NRG3: variants seen among roughly 807,000 people sequenced by gnomAD.
NRG3 encodes the protein neuregulin 3.
A neutral mutation model predicts 66.9 loss-of-function variants in NRG3; 31 were observed. The ratio of observed to expected loss-of-function variants is 0.46; its 90% CI spans 0.35 to 0.63. The LOEUF is 0.63. Among genes scored for constraint, NRG3 ranks in the 20% least tolerant of loss-of-function variants. The pLI, the probability that NRG3 is intolerant of heterozygous loss-of-function variation, is 0.00. For synonymous variants in NRG3, 393 were observed against 359.4 expected, an observed-to-expected ratio of 1.09 and a Z score of -1.06; for missense variants, 910 against 878.9, an observed-to-expected ratio of 1.04 and a Z score of -0.45.
chr10:81,913,550 A>G (rs1323890759), intron 1 of NRG3, among the ~76,000 whole-genome samples: 2 of 151,896 alleles, frequency 1.3e-5, no homozygotes, highest in African/African-American at 2.4e-5. Context: ...CAGCCTCCCA[A>G]GTAGCTGGGA....
rs186210887 is a variant in NRG3 at position 81,894,668 on chromosome 10, G to T, written c.823+18505G>T. On this transcript the variant is annotated intron_variant, in intron 1 of 8. Coordinates refer to ENST00000372141, the MANE Select transcript of NRG3 (RefSeq NM_001010848.4). ...TAAAACAGTCTAGAGGTCTTAAATT[G>T]TGCCTCTCTCTGAGTGTAGACAGTG... Among the ~76,000 whole-genome samples the T allele has an allele frequency of 4.6e-5, 7 of 152,284 alleles. 1 individual carries two copies. Among genetic ancestry groups the T allele is most frequent in the Admixed American group, 4.6e-4 (7 of 15,296 alleles).
intron 1 of NRG3, among the ~76,000 whole-genome samples, chr10:81,931,436 A>G (rs1190017355): frequency 6.6e-6 from 1 of 152,214 alleles, no homozygotes; most frequent in Non-Finnish European, 1.5e-5. Flanking sequence ...GAAGTCTTGA[A>G]AGAGATGGGG....
intron 3 of NRG3, among the ~76,000 whole-genome samples, chr10:82,816,769 C>T (rs1463266267): frequency 6.6e-6 from 1 of 152,192 alleles, no homozygotes; most frequent in Non-Finnish European, 1.5e-5. Context: ...GTGGGGCTCC[C>T]AGCTGTTCCA....
intron 1 of NRG3, among the ~76,000 whole-genome samples, chr10:81,893,726 A>T (rs1843246185): frequency 6.6e-6 from 1 of 152,192 alleles, no homozygotes; most frequent in Non-Finnish European, 1.5e-5. Flanking sequence ...AGTAAATATC[A>T]TTAGTTAACT....
intron 2 of NRG3, among the ~76,000 whole-genome samples, chr10:82,460,351 G>C (rs1273707015): frequency 6.6e-6 from 1 of 152,108 alleles, no homozygotes; most frequent in Non-Finnish European, 1.5e-5. Context: ...TAAAGAAACT[G>C]ATAGCTACTT....
At chr10:82,643,100 T>G (rs1040765482) in intron 2 of NRG3, among the ~76,000 whole-genome samples, 2 of 152,152 alleles carry the variant, frequency 1.3e-5, no homozygotes, top group African/African-American at 4.8e-5. Context: ...CTGACTTTTC[T>G]TTCTTATAAC....
In NRG3 at chr10:82,505,686, C is replaced by T. The variant is rs376007133; in HGVS notation, c.953+146818C>T. 5.3e-5 allele frequency among the ~76,000 whole-genome samples: 8 copies of T among 152,274 alleles called. No individual in the cohort carries two copies. In the South Asian group the frequency reaches 8.3e-4, roughly 16 times the overall value. On this transcript the variant is annotated intron_variant, in intron 2 of 8. Coordinates refer to ENST00000372141, the MANE Select transcript of NRG3 (RefSeq NM_001010848.4). Reference sequence around the variant, plus strand: ...TATGACTAGATAATTGCATGGGATACTGCAATGCAAAGTCTGAAGCATGAT... The same window carrying T: ...TATGACTAGATAATTGCATGGGATATTGCAATGCAAAGTCTGAAGCATGAT...
intron 1 of NRG3, among the ~76,000 whole-genome samples, chr10:81,907,675 C>T (rs1002617600): frequency 1.3e-5 from 2 of 152,032 alleles, no homozygotes; most frequent in Middle Eastern, 3.2e-3. Context: ...TGGATAACTG[C>T]GAAGATCACC....
intron 3 of NRG3, among the ~76,000 whole-genome samples, chr10:82,865,023 A>T (rs903670975): frequency 6.6e-5 from 10 of 152,226 alleles, no homozygotes; most frequent in African/African-American, 2.4e-4. Context: ...GTTCAAATAA[A>T]TTCATGTTGA....
chr10:82,813,468 C>T (rs1220478109), intron 3 of NRG3, among the ~76,000 whole-genome samples: 3 of 152,096 alleles, frequency 2.0e-5, no homozygotes, highest in African/African-American at 7.2e-5. Flanking sequence ...CCCGCCTCAG[C>T]CTCCCAAAGT....
At chr10:82,524,837 C>T (rs917691274) in intron 2 of NRG3, among the ~76,000 whole-genome samples, 1 of 151,820 alleles carries the variant, frequency 6.6e-6, no homozygotes, top group African/African-American at 2.4e-5. Context: ...AGAGTAATTT[C>T]ACTGGGACCC....
At chr10:82,472,840 A>C (rs1049219678) in intron 2 of NRG3, among the ~76,000 whole-genome samples, 20 of 152,198 alleles carry the variant, frequency 1.3e-4, no homozygotes, top group African/African-American at 4.8e-4. Context: ...CTTATTCTTG[A>C]AAACACCAGG....
chr10:82,515,561 G>A (rs777219666), intron 2 of NRG3, among the ~76,000 whole-genome samples: 10 of 152,228 alleles, frequency 6.6e-5, no homozygotes, highest in Non-Finnish European at 1.3e-4. Flanking sequence ...TTTTCCAAGT[G>A]TAAGAAGCTT....
chr10:82,985,346 A>G lies in NRG3; in HGVS notation c.1832A>G (p.Asn611Ser). ...AACTCCTATTCAGCTGACGTTGTCA[A>G]TGTGAGTATTCCAGTCAGCGATTGT... ...CKNSYSADVV[N>S]VSIPVSDCLI... is the part of the protein sequence containing the mutation. Residue 611 changes from asparagine to serine, a missense_variant, in exon 9 of 9, where the codon AAT becomes AGT. Transcript: ENST00000372141. 3 of 1,614,196 alleles carry G rather than the reference A, an allele frequency of 1.9e-6. No homozygotes were observed. The highest frequency in any genetic ancestry group is 2.2e-5 in the East Asian group (1 of 44,876).
chr10:82,336,626 G>T (rs1159044360), intron 1 of NRG3, among the ~76,000 whole-genome samples: 1 of 151,010 alleles, frequency 6.6e-6, no homozygotes, highest in Non-Finnish European at 1.5e-5. Context: ...TGGTTCAAGC[G>T]ATTCTCCTGC....
intron 4 of NRG3, among the ~76,000 whole-genome samples, chr10:82,877,379 T>G (rs1005171572): frequency 3.1e-4 from 44 of 144,038 alleles, no homozygotes; most frequent in African/African-American, 1.1e-3. Flanking sequence ...GACTTTTTTT[T>G]TTTTTTTTTT....
chr10:82,518,771 G>T (rs1845926406), intron 2 of NRG3, among the ~76,000 whole-genome samples: 1 of 152,076 alleles, frequency 6.6e-6, no homozygotes, highest in African/African-American at 2.4e-5. Context: ...TTTCTCATTT[G>T]TTGGATTGAT....
chr10:82,782,350 T>C (rs1353993886), intron 3 of NRG3, among the ~76,000 whole-genome samples: 1 of 152,166 alleles, frequency 6.6e-6, no homozygotes, highest in African/African-American at 2.4e-5. Context: ...CTTCAACCTT[T>C]TGCTGTGCAA....
chr10:82,888,318 G>A (rs1842884379), intron 4 of NRG3, among the ~76,000 whole-genome samples: 1 of 152,188 alleles, frequency 6.6e-6, no homozygotes, highest in Non-Finnish European at 1.5e-5. Context: ...ATATGTGCAT[G>A]ACAGAATTCC....
Sources: allele counts gnomAD v4.1 joint callset (sites outside exome capture counted in the v4.1 genomes callset), GRCh38; gene constraint gnomAD v4.1.1; transcripts MANE v1.5; gene names NCBI Gene and HGNC (gene_info 2026-07-23, HGNC 2026-07-21).